The following ARGFX variants were observed in gnomAD, a reference collection of about 807,000 sequenced individuals.
The protein encoded by ARGFX is arginine-fifty homeobox.
In ARGFX, 10 loss-of-function variants were observed where a neutral mutation model predicts 8.0. That is an observed-to-expected ratio of 1.25 (90% CI 0.77 to 2.12). ARGFX has a LOEUF of 2.12. Ranked by LOEUF, ARGFX falls within the 30% of genes most tolerant of loss-of-function variation. The pLI is 0.00. For synonymous variants in ARGFX, 116 were observed against 117.8 expected, an observed-to-expected ratio of 0.98 and a Z score of 0.10; for missense variants, 282 against 324.3, an observed-to-expected ratio of 0.87 and a Z score of 1.00.
chr3:121,576,005 T>A (rs1484665937), intron 2 of ARGFX, among the ~76,000 whole-genome samples: 1 of 152,116 alleles, frequency 6.6e-6, no homozygotes, highest in Non-Finnish European at 1.5e-5. Flanking sequence ...TTGTACATAA[T>A]CTGTGAAGTG....
rs751744768 is a variant in ARGFX, at chr3:121,586,276, T to C, written c.624T>C (p.Thr208=). 6.2e-7 allele frequency: 1 copy of C among 1,614,056 alleles called. No individual in the cohort carries two copies. Among genetic ancestry groups the C allele is most frequent in the Non-Finnish European group, 8.5e-7 (1 of 1,180,054 alleles). Residue 208 remains threonine (T), a synonymous_variant, in exon 5 of 5, where the codon ACT becomes ACC. Coordinates refer to ENST00000334384, the MANE Select transcript of ARGFX (RefSeq NM_001012659.2). Reference sequence around the variant, plus strand: ...CCAGTGACTTCCAAATGCAAGATACTCAGTGGGAGAGGCTGGTGGCCTCGG... The same window carrying C: ...CCAGTGACTTCCAAATGCAAGATACCCAGTGGGAGAGGCTGGTGGCCTCGG... ...SSTSDFQMQD[T]QWERLVASVP...
intron 2 of ARGFX, among the ~76,000 whole-genome samples, chr3:121,573,848 C>CAAAAAA (rs35593006): frequency 2.7e-4 from 16 of 58,952 alleles, no homozygotes; most frequent in Admixed American, 7.5e-4. Flanking sequence ...AACTCCATCT[C>CAAAAAA]AAAAAAAAAA....
At position 121,589,097 on chromosome 3, in the gene ARGFX, C is replaced by A. The variant is rs1009691497; in HGVS notation, c.*2497C>A. ...GGCTGAGGTAAGAGCATCCCTTGAG[C>A]CACAGAGGTCGAGGCTGCAGTGAGC... On this transcript the variant is annotated 3_prime_UTR_variant, in exon 5 of 5. Transcript: ENST00000334384. 5.9e-5 allele frequency among the ~76,000 whole-genome samples: 9 copies of A among 152,124 alleles called. No homozygotes were observed. Among genetic ancestry groups the A allele is most frequent in the African/African-American group, 2.2e-4 (9 of 41,446 alleles).
chr3:121,581,770 G>A (rs898458067), intron 3 of ARGFX, among the ~76,000 whole-genome samples: 1 of 152,074 alleles, frequency 6.6e-6, no homozygotes, highest in Non-Finnish European at 1.5e-5. Context: ...CAGGCATGGT[G>A]TGTGCACCTC....
Position 121,568,949 on chromosome 3 carries a change from G to A in ARGFX, c.-13+936G>A, listed in dbSNP as rs907189871. 2.7e-4 allele frequency among the ~76,000 whole-genome samples: 41 copies of A among 152,026 alleles called. 2 individuals carry two copies. The highest frequency in any genetic ancestry group is 2.9e-5 in the Non-Finnish European group (2 of 68,012). On this transcript the variant is annotated intron_variant, in intron 1 of 4. Coordinates refer to ENST00000334384, the MANE Select transcript of ARGFX (RefSeq NM_001012659.2). Reference sequence around the variant, plus strand: ...TCTTTATATTCTTAAAAATTGTTAAGGACTCCAAAGAACTTTTGTTTCTAT... The same window carrying A: ...TCTTTATATTCTTAAAAATTGTTAAAGACTCCAAAGAACTTTTGTTTCTAT...
At chr3:121,571,433 G>A (rs6771845) in intron 2 of ARGFX, among the ~76,000 whole-genome samples, 35,850 of 151,676 alleles carry the variant, frequency 0.24, 4,938 homozygotes, top group Admixed American at 0.41. Context: ...AAAATAATTA[G>A]GTACTAAGAA....
In ARGFX at chr3:121,576,897, A is replaced by G. The variant is rs1344683131; in HGVS notation, c.217A>G (p.Thr73Ala). The change falls in exon 3 of 5, where the codon ACA becomes GCA. Residue 73 changes from threonine (T) to alanine (A), a missense_variant. By Grantham distance (58) the Thr-to-Ala change is moderately conservative. Transcript: ENST00000334384. ...CTCAGCCTCCCGAGTAGCTGCGACT[A>G]CAGGTGCGTGCCACTACACCCTCTT... ...PTSASRVAATTAIRRRHKERT... is the reference protein window; with the variant it reads ...PTSASRVAATAAIRRRHKERT... 5.6e-6 allele frequency: 2 copies of G among 356,298 alleles called. No individual in the cohort carries two copies. The highest frequency in any genetic ancestry group is 2.0e-4 in the East Asian group (2 of 9,988). The allele number at this position is 356,298 out of a possible 1,614,324, so 22.1% of individuals were successfully genotyped here.
rs920549490 is a variant in ARGFX at position 121,589,012 on chromosome 3, CA to C, written c.*2418del. Among the ~76,000 whole-genome samples, 52 of 151,692 alleles carry C rather than the reference CA, an allele frequency of 3.4e-4. No individual in the cohort carries two copies. Among genetic ancestry groups the C allele is most frequent in the African/African-American group, 1.3e-3 (52 of 41,364 alleles). ...GCAACATGGCAAAACCCTGTGTCTACAAAAAATAAAAAATTAGCTGGGCATG... is the reference window on the plus strand; with the variant it reads ...GCAACATGGCAAAACCCTGTGTCTACAAAAATAAAAAATTAGCTGGGCATG... On this transcript the variant is annotated 3_prime_UTR_variant, in exon 5 of 5. Coordinates refer to ENST00000334384, the MANE Select transcript of ARGFX (RefSeq NM_001012659.2).
At chr3:121,578,213 T>C (rs568869626) in intron 3 of ARGFX, among the ~76,000 whole-genome samples, 235 of 149,404 alleles carry the variant, frequency 1.6e-3, no homozygotes, top group African/African-American at 5.7e-3. Context: ...TGCAACCTCC[T>C]GCCTCCCAGG....
chr3:121,573,152 A>C (rs1295395650), intron 2 of ARGFX, among the ~76,000 whole-genome samples: 1 of 152,210 alleles, frequency 6.6e-6, no homozygotes, highest in African/African-American at 2.4e-5. Flanking sequence ...CTACATTAAA[A>C]ATAAAAACTT....
Position 121,586,077 on chromosome 3 carries a change from C to T in ARGFX, c.425C>T (p.Ala142Val), listed in dbSNP as rs756036826. 7 of 1,599,366 alleles carry T rather than the reference C, an allele frequency of 4.4e-6. No individual in the cohort carries two copies. The change falls in exon 5 of 5, where the codon GCA becomes GTA. Residue 142 changes from alanine (A) to valine (V), a missense_variant. By Grantham distance (64) the Ala-to-Val change is moderately conservative. Coordinates refer to ENST00000334384, the MANE Select transcript of ARGFX (RefSeq NM_001012659.2). ...KLKKQQQQQS[A>V]KQRNQILPSK... ...AAGAAGCAGCAGCAGCAGCAATCAG[C>T]AAAGCAACGAAACCAGATCCTTCCA...
In ARGFX at chr3:121,587,986, T is replaced by A. The variant is rs1323775583; in HGVS notation, c.*1386T>A. On this transcript the variant is annotated 3_prime_UTR_variant, in exon 5 of 5. Transcript: ENST00000334384. Reference sequence around the variant, plus strand: ...AATAATATATATATATATAGTACAATGGTCCAGACATAATAAGAGGTGTAA... The same window carrying A: ...AATAATATATATATATATAGTACAAAGGTCCAGACATAATAAGAGGTGTAA... Among the ~76,000 whole-genome samples, 3 of 151,632 alleles carry A rather than the reference T, an allele frequency of 2.0e-5. No individual in the cohort carries two copies. Among genetic ancestry groups the A allele is most frequent in the Admixed American group, 6.6e-5 (1 of 15,240 alleles).
At chr3:121,568,069 G>A (rs779943453) in intron 1 of ARGFX, among the ~76,000 whole-genome samples, 56 bp downstream of exon 1, 2 of 152,112 alleles carry the variant, frequency 1.3e-5, no homozygotes, top group Non-Finnish European at 2.9e-5. Context: ...AGTGCTCAAA[G>A]AGGATTTGAA....
At chr3:121,577,201 G>GTATATATATATATATCTACATGTACA (rs2048743771) in intron 3 of ARGFX, among the ~76,000 whole-genome samples, 16 of 110,134 alleles carry the variant, frequency 1.5e-4, no homozygotes, top group Admixed American at 1.8e-4. Flanking sequence ...ATGTGTGTAT[G>GTATATATATATATATCTACATGTACA]TATATATATA....
intron 3 of ARGFX, among the ~76,000 whole-genome samples, chr3:121,577,272 T>TTA (rs2048748554): frequency 1.4e-5 from 2 of 140,212 alleles, no homozygotes; most frequent in African/African-American, 5.3e-5. Flanking sequence ...TTTTTTTTTT[T>TTA]AAATGGAGTC....
rs2048817668 is a variant in ARGFX at position 121,587,212 on chromosome 3, T to C, written c.*612T>C. ...GATTACAGGCGTGTGCCACCATGCC[T>C]GGCTAACTTTTGTATTTTTAGTAGA... On this transcript the variant is annotated 3_prime_UTR_variant, in exon 5 of 5. Transcript: ENST00000334384. 6.6e-6 allele frequency among the ~76,000 whole-genome samples: 1 copy of C among 152,118 alleles called. No homozygotes were observed. Among genetic ancestry groups the C allele is most frequent in the African/African-American group, 2.4e-5 (1 of 41,440 alleles).
chr3:121,576,027 T>C (rs2048733830), intron 2 of ARGFX, among the ~76,000 whole-genome samples: 1 of 152,090 alleles, frequency 6.6e-6, no homozygotes, highest in South Asian at 2.1e-4. Context: ...CTCAATAAAA[T>C]AAAGCTATTC....
At chr3:121,583,616 C>A (rs1020294138) in intron 3 of ARGFX, among the ~76,000 whole-genome samples, 3 of 151,592 alleles carry the variant, frequency 2.0e-5, no homozygotes, top group Admixed American at 6.6e-5. Flanking sequence ...CAGCCTCAAC[C>A]TCCTGGCTCA....
Position 121,588,800 on chromosome 3 carries a change from A to G in ARGFX, c.*2200A>G, listed in dbSNP as rs1213438432. On this transcript the variant is annotated 3_prime_UTR_variant, in exon 5 of 5. Coordinates refer to ENST00000334384, the MANE Select transcript of ARGFX (RefSeq NM_001012659.2). ...AAATTAGCTGGGCATGGTGGCACACACCTGTAGTCCCAGCTACTTGGGAGG... is the reference window on the plus strand; with the variant it reads ...AAATTAGCTGGGCATGGTGGCACACGCCTGTAGTCCCAGCTACTTGGGAGG... Among the ~76,000 whole-genome samples the G allele has an allele frequency of 6.6e-6, 1 of 151,890 alleles. No individual in the cohort carries two copies. Among genetic ancestry groups the G allele is most frequent in the African/African-American group, 2.4e-5 (1 of 41,382 alleles).
Sources: gnomAD v4.1 joint callset for allele counts (sites outside exome capture counted in the v4.1 genomes callset) on GRCh38, gnomAD v4.1.1 for gene constraint, MANE v1.5 for transcripts, NCBI Gene and HGNC (gene_info 2026-07-23, HGNC 2026-07-21) for gene names.